Variants in MED9 observed in about 807,000 individuals in gnomAD.
The protein encoded by MED9 is mediator complex subunit 9.
Under a neutral mutation model 13.2 loss-of-function variants are expected in MED9, and 8 were observed. The observed-to-expected ratio is 0.61, with a 90% CI of 0.36 to 1.10. The LOEUF (loss-of-function observed/expected upper bound fraction) is 1.10. MED9 is among the 50% of genes least tolerant of loss of function. The probability of loss-of-function intolerance (pLI) is 0.02; values close to 1 mark genes in which losing one functional copy is unlikely to be tolerated. For missense variants in MED9, 180 were observed against 193.4 expected, an observed-to-expected ratio of 0.93 and a Z score of 0.41; for synonymous variants, 87 against 82.8, an observed-to-expected ratio of 1.05 and a Z score of -0.28.
At chr17:17,482,219 A>G (rs73292353) in intron 1 of MED9, among the ~76,000 whole-genome samples, 11,600 of 152,204 alleles carry the variant, frequency 0.076, 903 homozygotes, top group African/African-American at 0.2. Context: ...AACTCTTGGT[A>G]GTCTCTGTGG....
intron 1 of MED9, chr17:17,488,279 A>G (rs929408515): frequency 2.6e-5 from 4 of 152,324 alleles, no homozygotes; most frequent in African/African-American, 9.6e-5. Flanking sequence ...CCAAAAGGTC[A>G]AAAGAAATGA....
At chr17:17,479,248 T>C (rs1904984707) in intron 1 of MED9, among the ~76,000 whole-genome samples, 1 of 152,160 alleles carries the variant, frequency 6.6e-6, no homozygotes, top group South Asian at 2.1e-4. Flanking sequence ...TATAAATGCC[T>C]AACCTTTCTA....
chr17:17,487,216 A>G (rs1905149370), intron 1 of MED9: 1 of 152,292 alleles, frequency 6.6e-6, no homozygotes, highest in African/African-American at 2.4e-5. Flanking sequence ...GCGCCGTGAC[A>G]AAACAGGCCA....
chr17:17,488,031 T>G (rs1490168104), intron 1 of MED9: 3 of 152,270 alleles, frequency 2.0e-5, no homozygotes, highest in African/African-American at 7.2e-5. Context: ...TTTCTAAGCC[T>G]TGGTTGTCTC....
Position 17,481,787 on chromosome 17 carries a change from A to G in MED9, c.224+4522A>G, listed in dbSNP as rs186054197. Among the ~76,000 whole-genome samples, 77 of 152,330 alleles carry G rather than the reference A, an allele frequency of 5.1e-4. 1 individual carries two copies. The South Asian group carries it at 6.4e-3, about 13-fold the overall frequency. On this transcript the variant is annotated intron_variant, in intron 1 of 1. Coordinates refer to ENST00000268711, the MANE Select transcript of MED9 (RefSeq NM_018019.3). Reference sequence around the variant, plus strand: ...AGCATCTTTGTGTAGGAGTAAGTTTATGATCAGATAAATCCCAGCAGTAGA... The same window carrying G: ...AGCATCTTTGTGTAGGAGTAAGTTTGTGATCAGATAAATCCCAGCAGTAGA...
intron 1 of MED9, among the ~76,000 whole-genome samples, chr17:17,480,581 A>G (rs1468197538): frequency 6.6e-6 from 1 of 152,186 alleles, no homozygotes; most frequent in Non-Finnish European, 1.5e-5. Flanking sequence ...GCTTGAACCC[A>G]GGGAGCTGAG....
chr17:17,489,795 T>A (rs1905198220), intron 1 of MED9, among the ~76,000 whole-genome samples: 1 of 152,234 alleles, frequency 6.6e-6, no homozygotes, highest in South Asian at 2.1e-4. Context: ...AAGAAGTGAT[T>A]GATTCTCCAT....
At position 17,491,587 on chromosome 17, in the gene MED9, G is replaced by C; in HGVS notation, c.*92G>C. ...CGCTCCTTGGGGCGTGGTTCCTGTG[G>C]ACCCCAGCTCAGCTCGTCAAGCTGC... is the stretch of plus-strand genomic sequence containing the variant. On this transcript the variant is annotated 3_prime_UTR_variant, in exon 2 of 2. Coordinates refer to ENST00000268711, the MANE Select transcript of MED9 (RefSeq NM_018019.3). The C allele has an allele frequency of 1.6e-6, 2 of 1,238,304 alleles. No homozygotes were observed. Among genetic ancestry groups the C allele is most frequent in the Non-Finnish European group, 2.3e-6 (2 of 865,388 alleles). 76.7% of individuals were successfully genotyped at this position (1,238,304 alleles called of 1,614,324 possible).
Position 17,491,264 on chromosome 17 carries a change from G to T in MED9, c.225-15G>T. The T allele has an allele frequency of 6.2e-7, 1 of 1,607,956 alleles. No homozygotes were observed. Among genetic ancestry groups the T allele is most frequent in the Non-Finnish European group, 8.5e-7 (1 of 1,175,954 alleles). Reference sequence around the variant, plus strand: ...TATCAAGCTGTGAATGCTAACAGCTGTTCTTCCCCCACAGCATGGACAAGG... The same window carrying T: ...TATCAAGCTGTGAATGCTAACAGCTTTTCTTCCCCCACAGCATGGACAAGG... On this transcript the variant is annotated splice_polypyrimidine_tract_variant and intron_variant, in intron 1 of 1. Coordinates refer to ENST00000268711, the MANE Select transcript of MED9 (RefSeq NM_018019.3).
chr17:17,481,288 TTA>T (rs1251820685), intron 1 of MED9, among the ~76,000 whole-genome samples: 1 of 152,216 alleles, frequency 6.6e-6, no homozygotes, highest in Admixed American at 6.5e-5. Flanking sequence ...AATGATCCTT[TTA>T]TTCTTTGTTT....
intron 1 of MED9, chr17:17,487,100 C>G (rs1196783968): frequency 6.6e-6 from 1 of 152,294 alleles, no homozygotes; most frequent in Non-Finnish European, 1.5e-5. Flanking sequence ...TCTAGCTGCT[C>G]TGGTGGGGCC....
chr17:17,492,911 A>G lies in MED9; in HGVS notation c.*1416A>G, dbSNP rs1323869281. On this transcript the variant is annotated 3_prime_UTR_variant, in exon 2 of 2. Transcript: ENST00000268711. ...ATTTCAGTGGCTTTGGACAGAAAAG[A>G]AGGCTCTGGATTTAAGCGGGTGGTC... 2.0e-5 allele frequency: 3 copies of G among 152,256 alleles called. No individual in the cohort carries two copies. The highest frequency in any genetic ancestry group is 4.4e-5 in the Non-Finnish European group (3 of 68,042). The allele number at this position is 152,256 out of a possible 1,614,324, so 9.4% of individuals were successfully genotyped here.
At chr17:17,484,551 G>A (rs535495412) in intron 1 of MED9, among the ~76,000 whole-genome samples, 2 of 152,258 alleles carry the variant, frequency 1.3e-5, no homozygotes, top group Non-Finnish European at 2.9e-5. Context: ...AGCGGCCCCC[G>A]CTAAGTGCCC....
chr17:17,491,548 C>T lies in MED9; in HGVS notation c.*53C>T. ...GGGAAGCCAATGGCCTGTCTCCCCA[C>T]TACCATCCCCAAACGCTCCTTGGGG... is the stretch of plus-strand genomic sequence containing the variant. On this transcript the variant is annotated 3_prime_UTR_variant, in exon 2 of 2. Transcript: ENST00000268711. The T allele has an allele frequency of 2.0e-6, 3 of 1,497,966 alleles. No homozygotes were observed. The South Asian group carries it at 3.4e-5, about 17-fold the overall frequency. The allele number at this position is 1,497,966 out of a possible 1,614,324, so 92.8% of individuals were successfully genotyped here. A position where few individuals can be genotyped will look rare whatever the true frequency, so the allele number is the denominator to read the frequency against.
chr17:17,490,619 T>G (rs1356473047), intron 1 of MED9, among the ~76,000 whole-genome samples: 1 of 152,214 alleles, frequency 6.6e-6, no homozygotes, highest in Admixed American at 6.5e-5. Context: ...TCCATGACCA[T>G]GGTAGAAGAG....
chr17:17,490,552 G>A (rs2142477895), intron 1 of MED9, among the ~76,000 whole-genome samples: 1 of 152,352 alleles, frequency 6.6e-6, no homozygotes, highest in Non-Finnish European at 1.5e-5. Context: ...GCTAATAGCT[G>A]TGAGATGGAG....
chr17:17,488,541 C>T (rs944626043), intron 1 of MED9, among the ~76,000 whole-genome samples: 5 of 152,122 alleles, frequency 3.3e-5, no homozygotes, highest in African/African-American at 1.2e-4. Flanking sequence ...TTTAAAAAAA[C>T]CATAGTAGGG....
At chr17:17,477,883 ATTG>A (rs1452921338) in intron 1 of MED9, among the ~76,000 whole-genome samples, 2 of 152,248 alleles carry the variant, frequency 1.3e-5, no homozygotes, top group Non-Finnish European at 2.9e-5. Context: ...AAAGGAAATA[ATTG>A]TTGTCATCCT....
rs1195550751 is a variant in MED9 at position 17,483,246 on chromosome 17, A to G, written c.224+5981A>G. Among the ~76,000 whole-genome samples the G allele has an allele frequency of 5.3e-5, 8 of 152,132 alleles. No individual in the cohort carries two copies. The highest frequency in any genetic ancestry group is 3.9e-4 in the Admixed American group (6 of 15,274). On this transcript the variant is annotated intron_variant, in intron 1 of 1. Transcript: ENST00000268711. This position sits in a 1 kb window ranked among gnomAD's most constrained non-coding sequence, Gnocchi z 4.2. ...ATGCTTATTTTATCTTGTGAATGTTATTTGGCTAATTTTTCTTTGTTCTCC... is the reference window on the plus strand; with the variant it reads ...ATGCTTATTTTATCTTGTGAATGTTGTTTGGCTAATTTTTCTTTGTTCTCC...
Sources: allele counts gnomAD v4.1 joint callset (sites outside exome capture counted in the v4.1 genomes callset), GRCh38; gene constraint gnomAD v4.1.1; non-coding constraint Gnocchi (gnomAD v3.1); transcripts MANE v1.5; gene names NCBI Gene and HGNC (gene_info 2026-07-23, HGNC 2026-07-21).